The following ST7 variants were observed in gnomAD, a reference collection of about 807,000 sequenced individuals.
ST7 encodes the protein suppression of tumorigenicity 7, also known as suppressor of tumorigenicity 7 protein.
In ST7, 28 loss-of-function variants were observed where a neutral mutation model predicts 78.7. The ratio of observed to expected loss-of-function variants is 0.36; its 90% confidence interval spans 0.26 to 0.49. The LOEUF is 0.49. Among genes scored for constraint, ST7 ranks in the 20% least tolerant of loss-of-function variants. ST7 has a pLI of 0.99. For synonymous variants in ST7, 247 were observed against 249.6 expected (o/e 0.99, Z 0.10); for missense variants, 418 against 696.0 (o/e 0.60, Z 4.49).
intron 1 of ST7, among the ~76,000 whole-genome samples, chr7:116,975,285 A>G (rs1793642278): frequency 6.6e-6 from 1 of 152,152 alleles, no homozygotes; most frequent in African/African-American, 2.4e-5. Context: ...ACCCACCCCC[A>G]TGATTCAATT....
intron 1 of ST7, among the ~76,000 whole-genome samples, chr7:117,003,927 A>AT (rs1408199250): frequency 6.6e-6 from 1 of 152,116 alleles, no homozygotes; most frequent in Non-Finnish European, 1.5e-5. Flanking sequence ...TCTCTCCTTC[A>AT]TTTTTCATTG....
intron 1 of ST7, among the ~76,000 whole-genome samples, chr7:116,967,098 A>G (rs1391801907): frequency 6.7e-6 from 1 of 149,856 alleles, no homozygotes; most frequent in Non-Finnish European, 1.5e-5. Flanking sequence ...TCACTTTGCT[A>G]TTTGTGAGTT....
intron 3 of ST7, among the ~76,000 whole-genome samples, chr7:117,125,194 A>G (rs958419513): frequency 1.4e-4 from 21 of 152,148 alleles, no homozygotes; most frequent in African/African-American, 4.6e-4. Flanking sequence ...AATACCTAAA[A>G]TAGTTTTAGT....
intron 9 of ST7, among the ~76,000 whole-genome samples, chr7:117,156,569 A>T (rs1806704320): frequency 1.3e-5 from 2 of 152,126 alleles, no homozygotes; most frequent in Non-Finnish European, 2.9e-5. Context: ...TAAAGCCATG[A>T]TGTTGAATAG....
chr7:117,056,326 T>A (rs1263405852), intron 1 of ST7, among the ~76,000 whole-genome samples: 1 of 151,916 alleles, frequency 6.6e-6, no homozygotes, highest in African/African-American at 2.4e-5. Context: ...GTTGTGAGAG[T>A]TACATGAGAT....
intron 10 of ST7, among the ~76,000 whole-genome samples, chr7:117,176,522 G>A (rs1411397644): frequency 1.3e-5 from 2 of 152,198 alleles, no homozygotes; most frequent in African/African-American, 2.4e-5. Context: ...GTTTTGCAGA[G>A]TCAGCATGTA....
At chr7:116,970,868 T>G (rs899186101) in intron 1 of ST7, among the ~76,000 whole-genome samples, 1 of 152,246 alleles carries the variant, frequency 6.6e-6, no homozygotes, top group Non-Finnish European at 1.5e-5. Flanking sequence ...GAGATTTGTC[T>G]CTTCTCTCCC....
At chr7:117,047,170 G>T (rs1231013790) in intron 1 of ST7, among the ~76,000 whole-genome samples, 1 of 152,130 alleles carries the variant, frequency 6.6e-6, no homozygotes, top group Non-Finnish European at 1.5e-5. Context: ...CATGGTTTTT[G>T]ATGTTCTTAT....
chr7:116,956,298 G>T, intron 1 of ST7: 1 of 344,910 alleles, frequency 2.9e-6, no homozygotes. Context: ...GGCAAGGAAG[G>T]CCCAGGGAGA....
chr7:117,068,987 G>A (rs1798782016), intron 1 of ST7, among the ~76,000 whole-genome samples: 1 of 152,222 alleles, frequency 6.6e-6, no homozygotes, highest in Non-Finnish European at 1.5e-5. Flanking sequence ...GAAATGCCAA[G>A]TGGAACCAAA....
At chr7:117,040,417 TACACAC>T (rs143063486) in intron 1 of ST7, among the ~76,000 whole-genome samples, 4 of 150,384 alleles carry the variant, frequency 2.7e-5, no homozygotes, top group Admixed American at 1.3e-4. Flanking sequence ...TATACACACA[TACACAC>T]ACACACACAC....
chr7:117,030,719 C>T (rs111952078), intron 1 of ST7, among the ~76,000 whole-genome samples: 2,746 of 152,226 alleles, frequency 0.018, 33 homozygotes, highest in Non-Finnish European at 0.028. Flanking sequence ...GAAAAGGGAA[C>T]GCTTATACAC....
At chr7:117,209,587 T>C (rs1489008990) in intron 12 of ST7, among the ~76,000 whole-genome samples, 200 bp from the exon 13 acceptor site, 2 of 152,244 alleles carry the variant, frequency 1.3e-5, no homozygotes, top group African/African-American at 2.4e-5. Context: ...TGTAGGAAAC[T>C]AGTACAAGGC....
Position 117,147,209 on chromosome 7 carries a change from A to C in ST7, c.963+8677A>C, listed in dbSNP as rs372741502. On this transcript the variant is annotated intron_variant, in intron 9 of 15. Transcript: ENST00000323984. ...ATATTCCATGTTGTGTTCTTACTCT[A>C]TTTTACTTAACCTTTCCTCTAGTGA... Among the ~76,000 whole-genome samples, 294 of 151,896 alleles carry C rather than the reference A, an allele frequency of 1.9e-3. 4 individuals are homozygous for C. The highest frequency in any genetic ancestry group is 3.4e-3 in the Middle Eastern group (1 of 292).
At chr7:117,002,639 C>CTG (rs140099821) in intron 1 of ST7, among the ~76,000 whole-genome samples, 3,725 of 145,628 alleles carry the variant, frequency 0.026, 107 homozygotes, top group African/African-American at 0.071. Context: ...GTAGTTGAGG[C>CTG]TGTGTGTGTG....
chr7:117,013,127 A>G (rs1001140140), intron 1 of ST7, among the ~76,000 whole-genome samples: 1 of 152,250 alleles, frequency 6.6e-6, no homozygotes, highest in African/African-American at 2.4e-5. Flanking sequence ...TGTGAAAAGC[A>G]TAAAATGTTA....
intron 3 of ST7, among the ~76,000 whole-genome samples, chr7:117,129,118 A>G (rs1165228004): frequency 6.6e-6 from 1 of 151,878 alleles, no homozygotes; most frequent in Non-Finnish European, 1.5e-5. Context: ...TGGTCCTGGT[A>G]TAATAAAGAG....
intron 1 of ST7, among the ~76,000 whole-genome samples, chr7:117,085,656 G>A (rs1390599679): frequency 2.6e-5 from 4 of 152,142 alleles, no homozygotes; most frequent in African/African-American, 9.7e-5. Context: ...GATAGCTAGA[G>A]GATAGAAAGG....
intron 1 of ST7, among the ~76,000 whole-genome samples, chr7:117,099,197 A>G (rs577213257): frequency 7.9e-4 from 120 of 152,050 alleles, no homozygotes; most frequent in Non-Finnish European, 1.7e-3. Flanking sequence ...GTTGAAAAAA[A>G]CCTTTTACTC....
Sources: gnomAD v4.1 joint callset for allele counts (sites outside exome capture counted in the v4.1 genomes callset) on GRCh38, gnomAD v4.1.1 for gene constraint, MANE v1.5 for transcripts, NCBI Gene and HGNC (gene_info 2026-07-23, HGNC 2026-07-21) for gene names.